MYZAP: variants seen among roughly 807,000 people sequenced by gnomAD.
MYZAP encodes the protein GRINL1A complex locus upstream.
Under a neutral mutation model 69.4 loss-of-function variants are expected in MYZAP, and 66 were observed. The ratio of observed to expected loss-of-function variants is 0.95; its 90% confidence interval spans 0.78 to 1.17. MYZAP has a LOEUF of 1.17. Ranked by LOEUF, MYZAP falls within the 50% of genes most tolerant of loss-of-function variation. The pLI is 0.00. For missense variants in MYZAP, 611 were observed against 556.2 expected, an observed-to-expected ratio of 1.10 and a Z score of -0.99; for synonymous variants, 256 against 205.9, an observed-to-expected ratio of 1.24 and a Z score of -2.09.
At chr15:57,633,771 C>T in intron 8 of MYZAP, 30 bp downstream of exon 8, 2 of 1,485,938 alleles carry the variant, frequency 1.3e-6, no homozygotes, top group African/African-American at 1.4e-5. Context: ...CTATTGCCCA[C>T]TTGCCCAAAC....
chr15:57,599,194 AG>A (rs1211610421), intron 1 of MYZAP, among the ~76,000 whole-genome samples: 2 of 152,224 alleles, frequency 1.3e-5, no homozygotes, highest in African/African-American at 4.8e-5. Context: ...CAAAGCTAGT[AG>A]GTGTCAGAAC....
intron 12 of MYZAP, among the ~76,000 whole-genome samples, chr15:57,675,659 G>T (rs1445588075): frequency 1.3e-5 from 2 of 152,122 alleles, no homozygotes; most frequent in Non-Finnish European, 2.9e-5. Flanking sequence ...GGTTTGTTCA[G>T]TTACATTCCT....
At chr15:57,598,604 A>T (rs1042190714) in intron 1 of MYZAP, among the ~76,000 whole-genome samples, 1 of 152,140 alleles carries the variant, frequency 6.6e-6, no homozygotes, top group Admixed American at 6.5e-5. Flanking sequence ...GACCAGTTGG[A>T]TTATTGAAAT....
At chr15:57,649,869 C>A (rs2037640052) in intron 10 of MYZAP, among the ~76,000 whole-genome samples, 1 of 152,180 alleles carries the variant, frequency 6.6e-6, no homozygotes, top group Admixed American at 6.5e-5. Context: ...CACTTATCAT[C>A]CAATAATATG....
chr15:57,634,439 A>G (rs796393827), intron 8 of MYZAP, among the ~76,000 whole-genome samples: 48 of 152,184 alleles, frequency 3.2e-4, no homozygotes, highest in African/African-American at 1.1e-3. Context: ...CCCTGGCTGC[A>G]TATGAGTTTG....
rs1314915289 is a variant in MYZAP at position 57,632,476 on chromosome 15, A to G, written c.721A>G (p.Met241Val). 1.9e-6 allele frequency: 3 copies of G among 1,614,082 alleles called. No homozygotes were observed. The highest frequency in any genetic ancestry group is 2.5e-6 in the Non-Finnish European group (3 of 1,180,034). The change falls in exon 7 of 13, where the codon ATG (methionine) becomes GTG (valine). Residue 241 changes from methionine (M) to valine (V), a missense_variant. By Grantham distance (21) the Met-to-Val change is conservative. Coordinates refer to ENST00000267853, the MANE Select transcript of MYZAP (RefSeq NM_001018100.5). ...QEANAEVMRE[M>V]TKKLYSQYEE... is the part of the protein sequence containing the mutation. ...AGCCAATGCTGAGGTGATGCGAGAGATGACCAAGAAGCTGTACAGCCAGTA... is the reference window on the plus strand; with the variant it reads ...AGCCAATGCTGAGGTGATGCGAGAGGTGACCAAGAAGCTGTACAGCCAGTA...
At chr15:57,619,266 A>G (rs1475778490) in intron 3 of MYZAP, among the ~76,000 whole-genome samples, 2 of 152,262 alleles carry the variant, frequency 1.3e-5, no homozygotes, top group African/African-American at 4.8e-5. Flanking sequence ...AGCCAGCAAA[A>G]TTAGCACGCA....
At chr15:57,619,569 C>T (rs142727949) in intron 3 of MYZAP, among the ~76,000 whole-genome samples, 22 of 152,278 alleles carry the variant, frequency 1.4e-4, no homozygotes, top group Admixed American at 1.3e-3. Context: ...CCAGACTGGT[C>T]TCAAACTCCT....
chr15:57,684,356 T>G lies in MYZAP; in HGVS notation c.1305-46T>G, dbSNP rs200652516. 287 of 1,292,032 alleles carry G rather than the reference T, an allele frequency of 2.2e-4. No homozygotes were observed. The African/African-American group carries it at 2.6e-3, about 12-fold the overall frequency. 80.0% of individuals were successfully genotyped at this position (1,292,032 alleles called of 1,614,324 possible). Reference sequence around the variant, plus strand: ...CTTACCATGTGAAGCATATGGGGGGTTTTGTTTTGTTTCATTTTCCTGACC... The same window carrying G: ...CTTACCATGTGAAGCATATGGGGGGGTTTGTTTTGTTTCATTTTCCTGACC... On this transcript the variant is annotated intron_variant, in intron 12 of 12. Coordinates refer to ENST00000267853, the MANE Select transcript of MYZAP (RefSeq NM_001018100.5).
intron 1 of MYZAP, among the ~76,000 whole-genome samples, chr15:57,602,960 G>A (rs1405857558): frequency 6.6e-6 from 1 of 152,116 alleles, no homozygotes; most frequent in Non-Finnish European, 1.5e-5. Context: ...TGTTGAGTAG[G>A]AAAATGACTT....
chr15:57,653,896 T>C lies in MYZAP; in HGVS notation c.1120-7554T>C, dbSNP rs558393706. Among the ~76,000 whole-genome samples the C allele has an allele frequency of 4.0e-5, 6 of 148,422 alleles. No individual in the cohort carries two copies. In the East Asian group the frequency reaches 1.2e-3, roughly 30 times the overall value. The stretch of plus-strand genomic sequence containing the variant: ...TGATCACACCTGTAATCCTAGCTAC[T>C]TGGGAGGCTGAGATGGGAGGACCCA... On this transcript the variant is annotated intron_variant, in intron 10 of 12. Coordinates refer to ENST00000267853, the MANE Select transcript of MYZAP (RefSeq NM_001018100.5).
At chr15:57,630,003 C>G in intron 6 of MYZAP, 149 bp downstream of exon 6, 2 of 842,440 alleles carry the variant, frequency 2.4e-6, no homozygotes, top group Non-Finnish European at 3.3e-6. Context: ...GAGTCTCACT[C>G]TGTCACCCAG....
chr15:57,632,042 A>G (rs562945494), intron 6 of MYZAP, among the ~76,000 whole-genome samples: 1 of 152,220 alleles, frequency 6.6e-6, no homozygotes, highest in Non-Finnish European at 1.5e-5. Context: ...TCCAAAAGCA[A>G]CATTTAGGAA....
chr15:57,680,381 C>T (rs1313981727), intron 12 of MYZAP, among the ~76,000 whole-genome samples: 2 of 151,990 alleles, frequency 1.3e-5, no homozygotes, highest in African/African-American at 4.8e-5. Flanking sequence ...TCCCCTCCTT[C>T]ATCTAATCTT....
chr15:57,630,187 C>T (rs573423026), intron 6 of MYZAP, among the ~76,000 whole-genome samples: 21 of 152,262 alleles, frequency 1.4e-4, no homozygotes, highest in Middle Eastern at 3.4e-3. Context: ...AGGCTGGTCT[C>T]GAACTCCTGA....
chr15:57,613,845 C>T (rs1410370047), intron 2 of MYZAP, among the ~76,000 whole-genome samples: 1 of 152,186 alleles, frequency 6.6e-6, no homozygotes, highest in Non-Finnish European at 1.5e-5. Flanking sequence ...ATCTGTATCT[C>T]AGCATGTTTC....
chr15:57,659,242 A>C (rs1213367833), intron 10 of MYZAP, among the ~76,000 whole-genome samples: 1 of 152,094 alleles, frequency 6.6e-6, no homozygotes, highest in Non-Finnish European at 1.5e-5. Context: ...TCTCACGTTC[A>C]TCTAGTTTAT....
At chr15:57,632,649 G>A in intron 7 of MYZAP, 90 bp downstream of exon 7, 1 of 1,551,978 alleles carries the variant, frequency 6.4e-7, no homozygotes, top group Non-Finnish European at 8.7e-7. Flanking sequence ...TTTATTCTTA[G>A]AGGTGGGTCA....
chr15:57,611,978 G>A (rs1443840044), intron 2 of MYZAP, among the ~76,000 whole-genome samples: 1 of 152,136 alleles, frequency 6.6e-6, no homozygotes, highest in African/African-American at 2.4e-5. Flanking sequence ...AGGCCCTTTG[G>A]GCTCAGAGGT....
Sources: allele counts gnomAD v4.1 joint callset (sites outside exome capture counted in the v4.1 genomes callset), GRCh38; gene constraint gnomAD v4.1.1; transcripts MANE v1.5; gene names NCBI Gene and HGNC (gene_info 2026-07-23, HGNC 2026-07-21).